TNN: variants seen among roughly 807,000 people sequenced by gnomAD.
The protein encoded by TNN is tenascin N.
A neutral mutation model predicts 134.4 loss-of-function variants in TNN; 122 were observed. That is an observed-to-expected ratio of 0.91 (90% CI 0.78 to 1.06). The LOEUF is 1.06. Among genes scored for constraint, TNN ranks in the 50% least tolerant of loss-of-function variants. TNN has a pLI of 0.00. For missense variants in TNN, 1,739 were observed against 1,699.4 expected (o/e 1.02, Z -0.41); for synonymous variants, 710 against 670.3 (o/e 1.06, Z -0.91).
intron 4 of TNN, 137 bp from the exon 5 acceptor site, chr1:175,083,613 A>G: frequency 1.4e-6 from 1 of 731,268 alleles, no homozygotes; most frequent in Non-Finnish European, 2.2e-6. Context: ...ACACCTGCTA[A>G]GAACTGTGTC....
In TNN at chr1:175,117,017, C is replaced by A. The variant is rs116663940; in HGVS notation, c.2198C>A (p.Ala733Asp). ...ACTGTCTCCTGGGACCCGGTGCGGG[C>A]CACCATTGACAGGTATGTGGTGCGC... ...MATVSWDPVRATIDRYVVRYT... is the reference protein window; with the variant it reads ...MATVSWDPVRDTIDRYVVRYT... The change falls in exon 10 of 19, where the codon GCC becomes GAC. Residue 733 changes from alanine (A) to aspartate (D), a missense_variant. Transcript: ENST00000239462. 1,889 of 1,614,180 alleles carry A rather than the reference C, an allele frequency of 1.2e-3. 18 individuals carry two copies. The highest frequency in any genetic ancestry group is 9.1e-3 in the South Asian group (829 of 91,084).
chr1:175,087,715 C>T (rs1674350418), intron 6 of TNN, among the ~76,000 whole-genome samples: 1 of 152,178 alleles, frequency 6.6e-6, no homozygotes, highest in Admixed American at 6.5e-5. Context: ...ACATTGTCTC[C>T]CTGGAAATAG....
intron 5 of TNN, 46 bp from the exon 6 acceptor site, chr1:175,085,359 G>T (rs1051055314): frequency 1.7e-6 from 2 of 1,211,394 alleles, no homozygotes; most frequent in African/African-American, 3.0e-5. Context: ...TGGGGAGAGG[G>T]GTCTGGAGCC....
At chr1:175,077,871 C>T in intron 2 of TNN, 44 bp downstream of exon 2, 1 of 1,566,684 alleles carries the variant, frequency 6.4e-7, no homozygotes, top group South Asian at 1.2e-5. Context: ...ATTTGATGAG[C>T]ACCTATTATG....
At chr1:175,104,907 G>A (rs1225291648) in intron 9 of TNN, among the ~76,000 whole-genome samples, 1 of 145,538 alleles carries the variant, frequency 6.9e-6, no homozygotes, top group African/African-American at 2.5e-5. Context: ...TAATTCATGG[G>A]CTTTTTCCCA....
At chr1:175,126,246 C>A (rs547613163) in intron 12 of TNN, among the ~76,000 whole-genome samples, 1 of 151,766 alleles carries the variant, frequency 6.6e-6, no homozygotes, top group East Asian at 1.9e-4. Context: ...GGATGACAGG[C>A]GACCACCACC....
At chr1:175,120,515 T>C (rs1483319539) in intron 11 of TNN, among the ~76,000 whole-genome samples, 1 of 152,336 alleles carries the variant, frequency 6.6e-6, no homozygotes, top group South Asian at 2.1e-4. Context: ...TCTTCTGTGA[T>C]TGTTGCTTAG....
chr1:175,146,729 C>G lies in TNN; in HGVS notation c.3760-202C>G, dbSNP rs574822736. ...CCAAGTCCTCTCAGCCCGTCTAACC[C>G]CAGCTGCCCAGCAGAGGGCGCGTGT... On this transcript the variant is annotated intron_variant, in intron 18 of 18. Coordinates refer to ENST00000239462, the MANE Select transcript of TNN (RefSeq NM_022093.2). Among the ~76,000 whole-genome samples, 41 of 152,142 alleles carry G rather than the reference C, an allele frequency of 2.7e-4. No homozygotes were observed. The East Asian group carries it at 7.7e-3, about 29-fold the overall frequency.
intron 6 of TNN, among the ~76,000 whole-genome samples, chr1:175,090,837 T>C (rs1165558202): frequency 6.6e-6 from 1 of 152,174 alleles, no homozygotes; most frequent in Non-Finnish European, 1.5e-5. Flanking sequence ...TTTACAAACC[T>C]TACTTTACAT....
intron 6 of TNN, among the ~76,000 whole-genome samples, chr1:175,087,419 G>A (rs1017539928): frequency 6.6e-6 from 1 of 152,178 alleles, no homozygotes; most frequent in African/African-American, 2.4e-5. Context: ...CCTTTTATCC[G>A]GCGTAGGAAC....
intron 14 of TNN, 93 bp from the exon 15 acceptor site, chr1:175,128,502 C>G (rs1207515067): frequency 1.2e-5 from 17 of 1,416,422 alleles, no homozygotes; most frequent in Non-Finnish European, 1.5e-5. Context: ...GAAATAATTT[C>G]CAAACAAAAT....
intron 15 of TNN, among the ~76,000 whole-genome samples, chr1:175,129,386 T>A (rs935211572): frequency 6.6e-6 from 1 of 152,074 alleles, no homozygotes; most frequent in East Asian, 1.9e-4. Flanking sequence ...CCAGCCTCAT[T>A]GTCTTAGCAC....
chr1:175,127,162 T>C (rs2101843857), intron 13 of TNN, 77 bp downstream of exon 13: 1 of 1,543,160 alleles, frequency 6.5e-7, no homozygotes, highest in Non-Finnish European at 8.7e-7. Context: ...ATCAGCTCAT[T>C]TGCTGGCCTC....
chr1:175,119,442 T>A (rs1043763324), intron 11 of TNN, among the ~76,000 whole-genome samples: 1 of 152,198 alleles, frequency 6.6e-6, no homozygotes, highest in African/African-American at 2.4e-5. Context: ...ACGGTCTTTA[T>A]GACCTGTATC....
chr1:175,082,079 A>T (rs1401518336), intron 4 of TNN, among the ~76,000 whole-genome samples: 1 of 152,170 alleles, frequency 6.6e-6, no homozygotes, highest in Non-Finnish European at 1.5e-5. Context: ...GAAATGGTTT[A>T]TGTTCAATAG....
chr1:175,128,645 A>G lies in TNN; in HGVS notation c.3229A>G (p.Ser1077Gly). The G allele has an allele frequency of 6.2e-7, 1 of 1,614,048 alleles. No homozygotes were observed. The highest frequency in any genetic ancestry group is 8.5e-7 in the Non-Finnish European group (1 of 1,179,968). ...GGACTGCAGTCAGGTTCAGCAGAACAGCAATGCCGCCAGTGGTCTGTACAC... is the reference window on the plus strand; with the variant it reads ...GGACTGCAGTCAGGTTCAGCAGAACGGCAATGCCGCCAGTGGTCTGTACAC... ...PSDCSQVQQN[S>G]NAASGLYTIY... Residue 1077 changes from serine to glycine, a missense_variant, in exon 15 of 19, where the codon AGC becomes GGC. Physicochemically the swap from Ser to Gly is moderately conservative, Grantham distance 56. Transcript: ENST00000239462.
At chr1:175,082,770 G>T (rs1038130453) in intron 4 of TNN, among the ~76,000 whole-genome samples, 1 of 152,154 alleles carries the variant, frequency 6.6e-6, no homozygotes, top group African/African-American at 2.4e-5. Context: ...AGGTGAAGGT[G>T]GGGGCGTGAC....
At chr1:175,078,785 T>C (rs931151188) in intron 2 of TNN, among the ~76,000 whole-genome samples, 3 of 152,232 alleles carry the variant, frequency 2.0e-5, no homozygotes, top group Admixed American at 2.0e-4. Context: ...CCTTCTCCAC[T>C]GTACCCATAG....
At position 175,128,712 on chromosome 1, in the gene TNN, A is replaced by G. The variant is rs1431925436; in HGVS notation, c.3296A>G (p.Tyr1099Cys). 1.9e-6 allele frequency: 3 copies of G among 1,613,958 alleles called. No individual in the cohort carries two copies. Among genetic ancestry groups the G allele is most frequent in the Non-Finnish European group, 2.5e-6 (3 of 1,179,890 alleles). Residue 1099 changes from tyrosine (Y) to cysteine (C), a missense_variant, in exon 15 of 19, where the codon TAC (tyrosine) becomes TGC (cysteine). Transcript: ENST00000239462. ...GATGCCAGCCGGCCCCTGCAGGTGT[A>G]CTGTGACATGGAAACGGACGGAGGT... ...HGDASRPLQV[Y>C]CDMETDGGGW... is the part of the protein sequence containing the mutation.
Sources: gnomAD v4.1 joint callset for allele counts (sites outside exome capture counted in the v4.1 genomes callset) on GRCh38, gnomAD v4.1.1 for gene constraint, MANE v1.5 for transcripts, NCBI Gene and HGNC (gene_info 2026-07-23, HGNC 2026-07-21) for gene names.